The following PCDHA7 variants were observed in gnomAD, a reference collection of about 807,000 sequenced individuals.
PCDHA7 encodes protocadherin alpha 7.
A neutral mutation model predicts 57.2 loss-of-function variants in PCDHA7; 37 were observed. The ratio of observed to expected loss-of-function variants is 0.65; its 90% CI spans 0.50 to 0.85. The LOEUF is 0.85. Among genes scored for constraint, PCDHA7 ranks in the 40% least tolerant of loss-of-function variants. PCDHA7 has a pLI of 0.00. For missense variants in PCDHA7, 1,188 were observed against 1,241.8 expected, an observed-to-expected ratio of 0.96 and a Z score of 0.65; for synonymous variants, 553 against 558.8, an observed-to-expected ratio of 0.99 and a Z score of 0.15.
intron 1 of PCDHA7, chr5:140,928,403 G>A (rs1554205862): frequency 6.2e-7 from 1 of 1,613,964 alleles, no homozygotes; most frequent in Non-Finnish European, 8.5e-7. Context: ...GAATCATCCA[G>A]TGGGGCCATC....
chr5:140,992,485 A>T (rs1234957114), intron 3 of PCDHA7, among the ~76,000 whole-genome samples: 1 of 152,208 alleles, frequency 6.6e-6, no homozygotes, highest in Non-Finnish European at 1.5e-5. Flanking sequence ...CCCAGAGGCC[A>T]ATCTGTAAGG....
intron 1 of PCDHA7, chr5:140,927,588 A>G (rs914756357): frequency 1.9e-6 from 3 of 1,614,210 alleles, no homozygotes; most frequent in East Asian, 2.2e-5. Context: ...ACGCGCCTGT[A>G]TTTGAGCGCT....
At chr5:140,978,397 C>G (rs2096799745) in intron 1 of PCDHA7, among the ~76,000 whole-genome samples, 1 of 152,080 alleles carries the variant, frequency 6.6e-6, no homozygotes, top group Non-Finnish European at 1.5e-5. Flanking sequence ...CCCTAGTATC[C>G]CTCTTCAATC....
intron 1 of PCDHA7, among the ~76,000 whole-genome samples, chr5:140,922,043 C>T (rs1305034895): frequency 6.6e-6 from 1 of 152,068 alleles, no homozygotes; most frequent in East Asian, 1.9e-4. Flanking sequence ...AATTTTCCCA[C>T]ATACCTTCAA....
At chr5:140,965,827 A>G (rs2095939185) in intron 1 of PCDHA7, among the ~76,000 whole-genome samples, 1 of 152,172 alleles carries the variant, frequency 6.6e-6, no homozygotes, top group Non-Finnish European at 1.5e-5. Context: ...TAAACATTTA[A>G]ATATTGGTTA....
At chr5:140,975,935 C>A (rs1351802479) in intron 1 of PCDHA7, among the ~76,000 whole-genome samples, 1 of 152,060 alleles carries the variant, frequency 6.6e-6, no homozygotes, top group Non-Finnish European at 1.5e-5. Flanking sequence ...ACCTTTGAAG[C>A]AATAGGACAT....
At chr5:140,926,728 T>G in intron 1 of PCDHA7, 4 of 1,061,710 alleles carry the variant, frequency 3.8e-6, no homozygotes, top group Non-Finnish European at 5.0e-6. Flanking sequence ...AATGCCGGCG[T>G]TCGGGAGGCG....
intron 1 of PCDHA7, chr5:140,881,920 T>G (rs1205220705): frequency 1.2e-5 from 3 of 257,650 alleles, no homozygotes; most frequent in African/African-American, 6.6e-5. Flanking sequence ...TTGAGCAGAA[T>G]GCAGTGATTT....
At chr5:140,924,572 A>G (rs1345446158) in intron 1 of PCDHA7, among the ~76,000 whole-genome samples, 1 of 152,132 alleles carries the variant, frequency 6.6e-6, no homozygotes, top group African/African-American at 2.4e-5. Flanking sequence ...CAATTTTTAA[A>G]TGTTTTCAAA....
intron 1 of PCDHA7, among the ~76,000 whole-genome samples, chr5:140,972,921 C>A (rs2096564401): frequency 6.6e-6 from 1 of 152,090 alleles, no homozygotes; most frequent in Non-Finnish European, 1.5e-5. Context: ...CTTGGCCTCC[C>A]AAAGTGCTGG....
chr5:140,899,513 C>T (rs4552682), intron 1 of PCDHA7, among the ~76,000 whole-genome samples: 7,065 of 152,042 alleles, frequency 0.046, 286 homozygotes, highest in African/African-American at 0.11. Flanking sequence ...GCATATATTG[C>T]ATCCCAGGGA....
chr5:140,875,478 G>T, intron 1 of PCDHA7: 4 of 1,610,404 alleles, frequency 2.5e-6, no homozygotes, highest in Non-Finnish European at 3.4e-6. Flanking sequence ...CTGCAATGGT[G>T]ATTATCGGAC....
Position 140,883,115 on chromosome 5 carries a change from AGGCCTGTAT to A in PCDHA7, c.2355+46384_2355+46392del, listed in dbSNP as rs2059447979. The A allele has an allele frequency of 1.9e-6, 3 of 1,613,978 alleles. No homozygotes were observed. The South Asian group carries it at 3.3e-5, about 18-fold the overall frequency. ...TGGAGATATAGTTTACTCATTTAGA[AGGCCTGTAT>A]GGCCTGCAGTGGTATATGCATTTAC... On this transcript the variant is annotated intron_variant, in intron 1 of 3. Transcript: ENST00000525929.
At position 140,928,355 on chromosome 5, in the gene PCDHA7, T is replaced by C. The variant is rs368876306; in HGVS notation, c.2356-50594T>C. On this transcript the variant is annotated intron_variant, in intron 1 of 3. Coordinates refer to ENST00000525929, the MANE Select transcript of PCDHA7 (RefSeq NM_018910.3). ...GTCTCTTATGAGCTGTTGGATGTTA[T>C]CTCTGAAGGGCCATCAGCCTCTAGC... 8.1e-6 allele frequency: 13 copies of C among 1,614,062 alleles called. No individual in the cohort carries two copies. The African/African-American group carries it at 1.6e-4, about 20-fold the overall frequency.
chr5:140,887,672 T>G (rs2061538471), intron 1 of PCDHA7, among the ~76,000 whole-genome samples: 1 of 152,180 alleles, frequency 6.6e-6, no homozygotes, highest in Admixed American at 6.5e-5. Flanking sequence ...GGATTTATCA[T>G]TTTCATCAAA....
At chr5:140,866,463 T>C (rs1372484700) in intron 1 of PCDHA7, 1 of 152,128 alleles carries the variant, frequency 6.6e-6, no homozygotes, top group Non-Finnish European at 1.5e-5. Flanking sequence ...GCTGGGAAGC[T>C]CATAACAACT....
At chr5:140,952,797 C>T (rs782258698) in intron 1 of PCDHA7, among the ~76,000 whole-genome samples, 1 of 152,142 alleles carries the variant, frequency 6.6e-6, no homozygotes. Flanking sequence ...TTAACTGGCT[C>T]GCAGTTCTGC....
rs2150477113 is a variant in PCDHA7, at chr5:140,850,276, T to G, written c.2355+13538T>G. 19 of 1,594,568 alleles carry G rather than the reference T, an allele frequency of 1.2e-5. 1 individual carries two copies. The highest frequency in any genetic ancestry group is 1.5e-5 in the Non-Finnish European group (18 of 1,167,356). ...GGCGCCGGCGTAGTGGTGGGGAAGG[T>G]GCGCGCAGTGGACGCCGACTCGGGC... is the stretch of plus-strand genomic sequence containing the variant. On this transcript the variant is annotated intron_variant, in intron 1 of 3. Coordinates refer to ENST00000525929, the MANE Select transcript of PCDHA7 (RefSeq NM_018910.3).
At chr5:141,003,668 A>G (rs1353003376) in intron 3 of PCDHA7, among the ~76,000 whole-genome samples, 1 of 152,196 alleles carries the variant, frequency 6.6e-6, no homozygotes, top group Non-Finnish European at 1.5e-5. Context: ...ATTAAAATAT[A>G]TGTTGTTCTG....
Sources: gnomAD v4.1 joint callset for allele counts (sites outside exome capture counted in the v4.1 genomes callset) on GRCh38, gnomAD v4.1.1 for gene constraint, MANE v1.5 for transcripts, NCBI Gene and HGNC (gene_info 2026-07-23, HGNC 2026-07-21) for gene names.